The following PLXNA2 variants were observed in gnomAD, a reference collection of about 807,000 sequenced individuals.
The protein encoded by PLXNA2 is plexin A2.
In PLXNA2, 91 loss-of-function variants were observed where a neutral mutation model predicts 193.5. That is an observed-to-expected ratio of 0.47 (90% CI 0.40 to 0.56). PLXNA2 has a LOEUF of 0.56. Among genes scored for constraint, PLXNA2 ranks in the 20% least tolerant of loss-of-function variants. The probability of loss-of-function intolerance (pLI) is 0.00; values close to 1 mark genes in which losing one functional copy is unlikely to be tolerated. For synonymous variants in PLXNA2, 997 were observed against 1,027.3 expected, an observed-to-expected ratio of 0.97 and a Z score of 0.56; for missense variants, 1,995 against 2,503.2, an observed-to-expected ratio of 0.80 and a Z score of 4.33.
At chr1:208,243,168 C>T (rs903775389) in intron 1 of PLXNA2, among the ~76,000 whole-genome samples, 2 of 152,100 alleles carry the variant, frequency 1.3e-5, no homozygotes, top group African/African-American at 2.4e-5. Context: ...GAGCCGGCGG[C>T]CACCAGGGAC....
At chr1:208,188,663 G>C (rs1670080439) in intron 3 of PLXNA2, among the ~76,000 whole-genome samples, 1 of 150,690 alleles carries the variant, frequency 6.6e-6, no homozygotes, top group African/African-American at 2.4e-5. Context: ...GAGCTGAGAT[G>C]GCACCACTGC....
Position 208,052,659 on chromosome 1 carries a change from G to T in PLXNA2, c.2857-196C>A, listed in dbSNP as rs534430707. Among the ~76,000 whole-genome samples, 29 of 152,082 alleles carry T rather than the reference G, an allele frequency of 1.9e-4. 1 individual carries two copies. The highest frequency in any genetic ancestry group is 8.5e-4 in the Admixed American group (13 of 15,274). On this transcript the variant is annotated intron_variant, in intron 14 of 31. Coordinates refer to ENST00000367033, the MANE Select transcript of PLXNA2 (RefSeq NM_025179.4). ...CTAAGAATCATCTCTGGGCATGTCC[G>T]GGAAGGCAGAAGAGTCATGTGGGGT...
At chr1:208,071,990 T>A (rs938212056) in intron 12 of PLXNA2, among the ~76,000 whole-genome samples, 7 of 152,174 alleles carry the variant, frequency 4.6e-5, no homozygotes, top group Non-Finnish European at 1.0e-4. Context: ...TCTGAGAGAA[T>A]CTAGGCGAAA....
intron 6 of PLXNA2, among the ~76,000 whole-genome samples, chr1:208,098,456 T>TCACA (rs1214971611): frequency 5.5e-3 from 595 of 109,156 alleles, no homozygotes; most frequent in Middle Eastern, 0.016. Flanking sequence ...TCTCTCTCTC[T>TCACA]CTCACACACA....
chr1:208,099,037 T>G lies in PLXNA2; in HGVS notation c.1608-68A>C, dbSNP rs986785845. ...CCATCTGTTTGGCTCCATTGTCCCC[T>G]GGGCAGGATGGGAGTTTGCTGCCCT... On this transcript the variant is annotated intron_variant, in intron 5 of 31. Coordinates refer to ENST00000367033, the MANE Select transcript of PLXNA2 (RefSeq NM_025179.4). 1.6e-5 allele frequency: 25 copies of G among 1,576,770 alleles called. No individual in the cohort carries two copies. In the Admixed American group the frequency reaches 4.4e-4, roughly 28 times the overall value.
At position 208,096,765 on chromosome 1, in the gene PLXNA2, C is replaced by G. The variant is rs1473559992; in HGVS notation, c.1850G>C (p.Gly617Ala). The change falls in exon 7 of 32, where the codon GGG becomes GCG. Residue 617 changes from glycine to alanine, a missense_variant. Transcript: ENST00000367033. Reference protein sequence around the residue: ...SGSQVICISPGPKDVPVIPLD... With the variant: ...SGSQVICISPAPKDVPVIPLD... The stretch of plus-strand genomic sequence containing the variant: ...CGGGATGACAGGGACATCCTTGGGC[C>G]CAGGTGAGATGCAGATGACCTGGCT... The G allele has an allele frequency of 3.7e-6, 6 of 1,614,080 alleles. No individual in the cohort carries two copies. The South Asian group carries it at 6.6e-5, about 18-fold the overall frequency.
intron 13 of PLXNA2, among the ~76,000 whole-genome samples, chr1:208,057,946 T>A (rs1665489157): frequency 6.6e-6 from 1 of 152,188 alleles, no homozygotes; most frequent in African/African-American, 2.4e-5. Context: ...GTTTTCCAGA[T>A]GAGATGTTTG....
At chr1:208,058,992 G>A (rs1420956860) in intron 13 of PLXNA2, among the ~76,000 whole-genome samples, 5 of 152,140 alleles carry the variant, frequency 3.3e-5, no homozygotes, top group African/African-American at 1.2e-4. Flanking sequence ...GCACTTCTCA[G>A]CTAAAAGCCT....
chr1:208,203,265 C>T (rs1017130893), intron 3 of PLXNA2, among the ~76,000 whole-genome samples: 1 of 152,210 alleles, frequency 6.6e-6, no homozygotes, highest in African/African-American at 2.4e-5. Flanking sequence ...AAACTCATTA[C>T]TAGGGATGTG....
chr1:208,217,000 C>T lies in PLXNA2; in HGVS notation c.923G>A (p.Arg308His), dbSNP rs952207957. 4.9e-5 allele frequency: 79 copies of T among 1,611,676 alleles called. No homozygotes were observed. In the East Asian group the frequency reaches 1.1e-3, roughly 23 times the overall value. The change falls in exon 2 of 32, where the codon CGC (arginine) becomes CAC (histidine). Residue 308 changes from arginine to histidine, a missense_variant. This residue lies in a region of PLXNA2 where 702 missense variants were observed against 812.9 expected (regional missense o/e 0.86). Transcript: ENST00000367033. ...GGCCAGGTAAGCAGCCTGCAGGAGGCGGTATTCCACCCCGGCCCGGGTGCA... is the reference window on the plus strand; with the variant it reads ...GGCCAGGTAAGCAGCCTGCAGGAGGTGGTATTCCACCCCGGCCCGGGTGCA... ...FGCTRAGVEYRLLQAAYLAKP... is the reference protein window; with the variant it reads ...FGCTRAGVEYHLLQAAYLAKP...
intron 3 of PLXNA2, among the ~76,000 whole-genome samples, chr1:208,206,923 C>G (rs1201385739): frequency 1.3e-5 from 2 of 151,928 alleles, no homozygotes; most frequent in Non-Finnish European, 2.9e-5. Context: ...GCCACCATGC[C>G]CTGCTGATTT....
intron 12 of PLXNA2, among the ~76,000 whole-genome samples, chr1:208,076,413 T>C (rs2478811): frequency 0.13 from 19,665 of 152,128 alleles, 1,705 homozygotes; most frequent in East Asian, 0.34. Context: ...GTTTCTTTTT[T>C]TCAGGAAGAA....
At chr1:208,215,240 C>A (rs919648548) in intron 2 of PLXNA2, among the ~76,000 whole-genome samples, 5 of 152,194 alleles carry the variant, frequency 3.3e-5, no homozygotes, top group Non-Finnish European at 1.5e-5. Flanking sequence ...AAGCAATCTG[C>A]CTACCTTAGC....
chr1:208,148,477 G>C (rs1668664753), intron 3 of PLXNA2, among the ~76,000 whole-genome samples: 2 of 152,186 alleles, frequency 1.3e-5, no homozygotes, highest in African/African-American at 4.8e-5. Flanking sequence ...ACTTGTTTAT[G>C]TAATAGTTTC....
At chr1:208,058,065 C>T (rs1325565437) in intron 13 of PLXNA2, among the ~76,000 whole-genome samples, 1 of 152,218 alleles carries the variant, frequency 6.6e-6, no homozygotes, top group Admixed American at 6.5e-5. Flanking sequence ...TTGCCCCACA[C>T]TACACCACCT....
intron 12 of PLXNA2, among the ~76,000 whole-genome samples, chr1:208,067,621 T>A (rs376703167): frequency 1.3e-5 from 2 of 152,220 alleles, no homozygotes; most frequent in African/African-American, 4.8e-5. Flanking sequence ...TATGTTTAGA[T>A]ACACAAGTAC....
At chr1:208,063,776 G>C (rs1665692535) in intron 12 of PLXNA2, among the ~76,000 whole-genome samples, 1 of 152,164 alleles carries the variant, frequency 6.6e-6, no homozygotes, top group Non-Finnish European at 1.5e-5. Context: ...AAACTGACGT[G>C]TAAAAGCCTG....
chr1:208,075,420 T>C (rs1666116079), intron 12 of PLXNA2, among the ~76,000 whole-genome samples: 1 of 152,220 alleles, frequency 6.6e-6, no homozygotes, highest in Non-Finnish European at 1.5e-5. Context: ...TCTCAGAGCA[T>C]TCTATTGAAA....
Position 208,046,130 on chromosome 1 carries a change from G to C in PLXNA2, c.3256-13C>G, listed in dbSNP as rs748531124. 9 of 1,610,492 alleles carry C rather than the reference G, an allele frequency of 5.6e-6. No individual in the cohort carries two copies. In the Admixed American group the frequency reaches 1.5e-4, roughly 27 times the overall value. ...CAACTTTACACACCTAAGAGATCCA[G>C]AGCGCAGCATTCACACACGGAGTGC... On this transcript the variant is annotated splice_polypyrimidine_tract_variant and intron_variant, in intron 17 of 31. Transcript: ENST00000367033.
Sources: allele counts gnomAD v4.1 joint callset (sites outside exome capture counted in the v4.1 genomes callset), GRCh38; gene constraint gnomAD v4.1.1; regional missense constraint gnomAD v4.1.1; transcripts MANE v1.5; gene names NCBI Gene and HGNC (gene_info 2026-07-23, HGNC 2026-07-21).